The following CDH12 variants were observed in gnomAD, a reference collection of about 807,000 sequenced individuals.
CDH12 encodes cadherin 12, also known as cadherin-12.
A neutral mutation model predicts 74.1 loss-of-function variants in CDH12; 41 were observed. That is an observed-to-expected ratio of 0.55 (90% CI 0.43 to 0.72). CDH12 has a LOEUF of 0.72. CDH12 is among the 30% of genes least tolerant of loss of function. The pLI is 0.00. For missense variants in CDH12, 945 were observed against 977.2 expected (o/e 0.97, Z 0.44); for synonymous variants, 399 against 355.0 (o/e 1.12, Z -1.39).
At chr5:22,355,200 G>A (rs560213927) in intron 3 of CDH12, among the ~76,000 whole-genome samples, 4 of 152,044 alleles carry the variant, frequency 2.6e-5, no homozygotes, top group South Asian at 2.1e-4. Context: ...TTTGCTCTTC[G>A]AAGTAGAAAT....
At chr5:22,850,162 T>C (rs1055302133) in intron 1 of CDH12, among the ~76,000 whole-genome samples, 1 of 152,136 alleles carries the variant, frequency 6.6e-6, no homozygotes, top group Non-Finnish European at 1.5e-5. Context: ...GTAAAAAAGT[T>C]ATTTACTCCA....
intron 3 of CDH12, among the ~76,000 whole-genome samples, chr5:22,314,053 A>C (rs1391780419): frequency 2.0e-5 from 3 of 152,212 alleles, no homozygotes; most frequent in Non-Finnish European, 4.4e-5. Context: ...ATTAGAAGAC[A>C]ATGGTAATAA....
At chr5:22,324,515 CCTTA>C (rs1474412035) in intron 3 of CDH12, among the ~76,000 whole-genome samples, 1 of 151,590 alleles carries the variant, frequency 6.6e-6, no homozygotes, top group Non-Finnish European at 1.5e-5. Context: ...TTGTAGATTA[CCTTA>C]CTGAGTGTAT....
intron 1 of CDH12, among the ~76,000 whole-genome samples, chr5:22,562,400 A>G (rs1430333540): frequency 2.6e-5 from 4 of 152,226 alleles, no homozygotes; most frequent in Non-Finnish European, 5.9e-5. Context: ...GGAATTTAAA[A>G]AAATACAAAA....
At chr5:22,421,049 G>A (rs574987971) in intron 2 of CDH12, among the ~76,000 whole-genome samples, 1 of 152,242 alleles carries the variant, frequency 6.6e-6, no homozygotes, top group African/African-American at 2.4e-5. Flanking sequence ...TGAATTCTGA[G>A]ACTTTGCTGA....
At chr5:21,899,937 T>G (rs963806099) in intron 6 of CDH12, among the ~76,000 whole-genome samples, 1 of 152,168 alleles carries the variant, frequency 6.6e-6, no homozygotes, top group Non-Finnish European at 1.5e-5. Context: ...AAAATGTGCT[T>G]GAAATTTTAT....
At chr5:22,622,647 C>A (rs1306723086) in intron 1 of CDH12, among the ~76,000 whole-genome samples, 1 of 151,938 alleles carries the variant, frequency 6.6e-6, no homozygotes, top group Admixed American at 6.6e-5. Context: ...CTGAATAGAC[C>A]AATAACAGGC....
chr5:22,281,543 A>G (rs1223201148), intron 3 of CDH12, among the ~76,000 whole-genome samples: 1 of 152,226 alleles, frequency 6.6e-6, no homozygotes, highest in African/African-American at 2.4e-5. Context: ...TATAAAATCA[A>G]CGTGCAAAAA....
intron 5 of CDH12, among the ~76,000 whole-genome samples, chr5:22,007,687 G>C (rs1023724773): frequency 3.7e-4 from 57 of 152,092 alleles, no homozygotes; most frequent in Non-Finnish European, 6.9e-4. Flanking sequence ...GATGCAAACC[G>C]AAAATAACAG....
At chr5:22,705,354 A>G (rs937099193) in intron 1 of CDH12, among the ~76,000 whole-genome samples, 6 of 152,060 alleles carry the variant, frequency 3.9e-5, no homozygotes, top group African/African-American at 1.4e-4. Context: ...TTTCATAACA[A>G]ATCCAAAATC....
At chr5:22,010,838 C>G (rs1423226437) in intron 5 of CDH12, among the ~76,000 whole-genome samples, 2 of 152,114 alleles carry the variant, frequency 1.3e-5, no homozygotes, top group Non-Finnish European at 2.9e-5. Flanking sequence ...GTGTTCTTTT[C>G]TCCATGAGAT....
At chr5:21,762,050 G>A (rs1387241310) in intron 12 of CDH12, among the ~76,000 whole-genome samples, 1 of 152,094 alleles carries the variant, frequency 6.6e-6, no homozygotes, top group Non-Finnish European at 1.5e-5. Flanking sequence ...AATGTCTGCA[G>A]ATCACTCAAT....
intron 9 of CDH12, among the ~76,000 whole-genome samples, chr5:21,804,099 T>C (rs983531657): frequency 6.6e-6 from 1 of 152,168 alleles, no homozygotes; most frequent in Admixed American, 6.6e-5. Context: ...GTAATCAATG[T>C]TTTCTTTTTA....
chr5:22,386,615 C>T (rs111995512), intron 3 of CDH12, among the ~76,000 whole-genome samples: 91 of 151,924 alleles, frequency 6.0e-4, no homozygotes, highest in African/African-American at 2.1e-3. Context: ...TAGTTTCCTG[C>T]TATCTAGAGT....
intron 11 of CDH12, among the ~76,000 whole-genome samples, chr5:21,776,730 T>G (rs1252457772): frequency 6.6e-6 from 1 of 152,174 alleles, no homozygotes; most frequent in Non-Finnish European, 1.5e-5. Flanking sequence ...CAGAAAGTCT[T>G]ATTCCTTCCC....
chr5:22,243,836 T>C (rs769501384), intron 3 of CDH12, among the ~76,000 whole-genome samples: 2 of 152,216 alleles, frequency 1.3e-5, no homozygotes, highest in Middle Eastern at 3.2e-3. Context: ...CAATAGAAGA[T>C]AGTCATTCTC....
At position 22,343,773 on chromosome 5, in the gene CDH12, A is replaced by G. The variant is rs191691118; in HGVS notation, c.-333+61484T>C. 7.2e-5 allele frequency among the ~76,000 whole-genome samples: 11 copies of G among 152,332 alleles called. No homozygotes were observed. The East Asian group carries it at 2.1e-3, about 29-fold the overall frequency. On this transcript the variant is annotated intron_variant, in intron 3 of 14. Coordinates refer to ENST00000382254, the MANE Select transcript of CDH12 (RefSeq NM_004061.5). ...GATTTCCATGGTAATTAGAAATCCT[A>G]AATATTTTTTAAGCACACTGTGGTT...
chr5:22,479,653 C>T (rs905105399), intron 2 of CDH12, among the ~76,000 whole-genome samples: 5 of 152,286 alleles, frequency 3.3e-5, no homozygotes, highest in Admixed American at 3.3e-4. Flanking sequence ...GCATCTAAAT[C>T]ATTATCTATT....
intron 4 of CDH12, among the ~76,000 whole-genome samples, chr5:22,093,642 C>T (rs527341805): frequency 3.3e-5 from 5 of 151,972 alleles, no homozygotes; most frequent in East Asian, 1.9e-4. Flanking sequence ...TGATTGCCAA[C>T]GGGTTTGGGG....
Sources: gnomAD v4.1 joint callset for allele counts (sites outside exome capture counted in the v4.1 genomes callset) on GRCh38, gnomAD v4.1.1 for gene constraint, MANE v1.5 for transcripts, NCBI Gene and HGNC (gene_info 2026-07-23, HGNC 2026-07-21) for gene names.